SORCS2: variants seen among roughly 807,000 people sequenced by gnomAD.
The protein encoded by SORCS2 is sortilin related VPS10 domain containing receptor 2.
Under a neutral mutation model 141.6 loss-of-function variants are expected in SORCS2, and 100 were observed. The observed-to-expected ratio is 0.71, with a 90% CI of 0.60 to 0.83. The LOEUF (loss-of-function observed/expected upper bound fraction) is 0.83. SORCS2 is among the 40% of genes least tolerant of loss of function. The pLI is 0.00. For synonymous variants in SORCS2, 789 were observed against 676.9 expected, an observed-to-expected ratio of 1.17 and a Z score of -2.57; for missense variants, 1,646 against 1,560.2, an observed-to-expected ratio of 1.05 and a Z score of -0.93.
At chr4:7,217,226 C>T (rs564795948) in intron 1 of SORCS2, among the ~76,000 whole-genome samples, 92 of 152,238 alleles carry the variant, frequency 6.0e-4, no homozygotes, top group South Asian at 1.7e-3. Context: ...TTCCATCTCA[C>T]CCCCGCCTTT....
chr4:7,536,277 T>C (rs1712119971), intron 3 of SORCS2, among the ~76,000 whole-genome samples: 1 of 152,190 alleles, frequency 6.6e-6, no homozygotes, highest in African/African-American at 2.4e-5. Context: ...GAATAAGGAT[T>C]ACCTGGGTTA....
intron 3 of SORCS2, among the ~76,000 whole-genome samples, chr4:7,591,527 T>C (rs1015953876): frequency 6.6e-6 from 1 of 152,160 alleles, no homozygotes; most frequent in African/African-American, 2.4e-5. Flanking sequence ...AAGTGTGGAC[T>C]TTTGGCTGTG....
chr4:7,496,270 A>AT (rs1305700103), intron 2 of SORCS2, among the ~76,000 whole-genome samples: 1 of 152,130 alleles, frequency 6.6e-6, no homozygotes, highest in Non-Finnish European at 1.5e-5. Flanking sequence ...TGCTGTGTAG[A>AT]TAAGGAGCTA....
intron 14 of SORCS2, among the ~76,000 whole-genome samples, chr4:7,709,121 C>T (rs1725663193): frequency 6.6e-6 from 1 of 152,320 alleles, no homozygotes; most frequent in Middle Eastern, 3.4e-3. Flanking sequence ...AGGCACTCTG[C>T]CTGCACTCTG....
intron 2 of SORCS2, among the ~76,000 whole-genome samples, chr4:7,421,330 G>C (rs1577532660): frequency 6.6e-6 from 1 of 152,192 alleles, no homozygotes; most frequent in Admixed American, 6.5e-5. Flanking sequence ...GGCTAAGAAC[G>C]CAGGCTTGTG....
rs1285124796 is a variant in SORCS2 at position 7,712,846 on chromosome 4, A to G, written c.1982A>G (p.Asn661Ser). 2 of 1,613,606 alleles carry G rather than the reference A, an allele frequency of 1.2e-6. No individual in the cohort carries two copies. ...GACTACAGCTCCTGGGAGCTCTCCAACCTGCAGGTGGGCCGGCATGAGGCT... is the reference window on the plus strand; with the variant it reads ...GACTACAGCTCCTGGGAGCTCTCCAGCCTGCAGGTGGGCCGGCATGAGGCT... ...EEDYSSWELS[N>S]LQGDRCIMGQ... Residue 661 changes from asparagine (N) to serine (S), a missense_variant, in exon 15 of 27, where the codon AAC (asparagine) becomes AGC (serine). Transcript: ENST00000507866.
intron 3 of SORCS2, among the ~76,000 whole-genome samples, chr4:7,611,752 T>C (rs1718419190): frequency 6.6e-6 from 1 of 152,234 alleles, no homozygotes; most frequent in African/African-American, 2.4e-5. Context: ...TGACATGGAA[T>C]TCAGTTTCAG....
intron 3 of SORCS2, among the ~76,000 whole-genome samples, chr4:7,633,366 C>A (rs181077912): frequency 6.6e-6 from 1 of 152,162 alleles, no homozygotes; most frequent in Non-Finnish European, 1.5e-5. Context: ...TCATGCCGTC[C>A]TCTCTGCCTG....
rs149538946 is a variant in SORCS2, at chr4:7,644,648, A to T, written c.813+6156A>T. On this transcript the variant is annotated intron_variant, in intron 4 of 26. Coordinates refer to ENST00000507866, the MANE Select transcript of SORCS2 (RefSeq NM_020777.3). ...AACTGCCACTAAGAGTCCAGGGCAGACTCGAAGCACCTCCAGAAACCATAG... is the reference window on the plus strand; with the variant it reads ...AACTGCCACTAAGAGTCCAGGGCAGTCTCGAAGCACCTCCAGAAACCATAG... Among the ~76,000 whole-genome samples the T allele has an allele frequency of 4.0e-3, 606 of 152,216 alleles. 1 individual carries two copies. Among genetic ancestry groups the T allele is most frequent in the Middle Eastern group, 0.014 (4 of 294 alleles).
At chr4:7,561,149 C>T (rs190604060) in intron 3 of SORCS2, among the ~76,000 whole-genome samples, 1 of 152,290 alleles carries the variant, frequency 6.6e-6, no homozygotes, top group African/African-American at 2.4e-5. Context: ...GAGTCCTACT[C>T]AGTATAGATC....
At chr4:7,265,548 G>GA (rs1714668716) in intron 1 of SORCS2, among the ~76,000 whole-genome samples, 1 of 152,150 alleles carries the variant, frequency 6.6e-6, no homozygotes, top group Admixed American at 6.5e-5. Context: ...GGCTGCAGGG[G>GA]TGGCTCCTGC....
chr4:7,296,653 T>A (rs1357401987), intron 1 of SORCS2, among the ~76,000 whole-genome samples: 1 of 152,156 alleles, frequency 6.6e-6, no homozygotes, highest in Non-Finnish European at 1.5e-5. Context: ...TTCCTCTCCA[T>A]CATTTGGGAA....
intron 3 of SORCS2, among the ~76,000 whole-genome samples, chr4:7,633,157 G>T (rs1720005315): frequency 6.6e-6 from 1 of 152,204 alleles, no homozygotes; most frequent in South Asian, 2.1e-4. Context: ...CCAGTGGCAG[G>T]AGTGGGGGTG....
intron 1 of SORCS2, among the ~76,000 whole-genome samples, chr4:7,292,339 C>G (rs1333040321): frequency 6.6e-6 from 1 of 151,642 alleles, no homozygotes; most frequent in Non-Finnish European, 1.5e-5. Context: ...GTCTGTTCAC[C>G]AAGGAGGCTC....
At chr4:7,605,525 A>G (rs531286617) in intron 3 of SORCS2, among the ~76,000 whole-genome samples, 17 of 152,156 alleles carry the variant, frequency 1.1e-4, no homozygotes, top group Non-Finnish European at 2.5e-4. Flanking sequence ...TTGGTCTCCA[A>G]AGAATCCTGT....
At chr4:7,539,660 T>C (rs1004650947) in intron 3 of SORCS2, among the ~76,000 whole-genome samples, 3 of 100,502 alleles carry the variant, frequency 3.0e-5, no homozygotes, top group Admixed American at 1.1e-4. Flanking sequence ...TACAAACTCC[T>C]TCCCAGCTGC....
At chr4:7,647,629 TC>T (rs772421022) in intron 4 of SORCS2, among the ~76,000 whole-genome samples, 4 of 152,162 alleles carry the variant, frequency 2.6e-5, no homozygotes, top group Non-Finnish European at 2.9e-5. Context: ...CAGGAATTCA[TC>T]CACTTTGGTA....
intron 4 of SORCS2, among the ~76,000 whole-genome samples, chr4:7,646,232 C>T (rs558773845): frequency 6.6e-6 from 1 of 152,058 alleles, no homozygotes; most frequent in Non-Finnish European, 1.5e-5. Flanking sequence ...CACACGGGGC[C>T]GGCAGGCTGG....
chr4:7,587,656 C>T (rs779939854), intron 3 of SORCS2, among the ~76,000 whole-genome samples: 2 of 152,206 alleles, frequency 1.3e-5, no homozygotes, highest in Non-Finnish European at 2.9e-5. Context: ...CCCACAGCAG[C>T]GTCTTCGCCT....
Sources: allele counts gnomAD v4.1 joint callset (sites outside exome capture counted in the v4.1 genomes callset), GRCh38; gene constraint gnomAD v4.1.1; transcripts MANE v1.5; gene names NCBI Gene and HGNC (gene_info 2026-07-23, HGNC 2026-07-21).